The following PBX3 variants were observed in gnomAD, a reference collection of about 807,000 sequenced individuals.
PBX3 encodes PBX homeobox 3.
Under a neutral mutation model 48.5 loss-of-function variants are expected in PBX3, and 14 were observed. That is an observed-to-expected ratio of 0.29 (90% CI 0.19 to 0.45). The LOEUF is 0.45. Ranked by LOEUF, PBX3 falls within the 20% of genes least tolerant of loss-of-function variation. The probability of loss-of-function intolerance (pLI) is 1.00; values close to 1 mark genes in which losing one functional copy is unlikely to be tolerated. For missense variants in PBX3, 386 were observed against 546.7 expected, an observed-to-expected ratio of 0.71 and a Z score of 2.93; for synonymous variants, 210 against 200.3, an observed-to-expected ratio of 1.05 and a Z score of -0.41.
At chr9:125,941,794 A>G (rs1183175218) in intron 5 of PBX3, among the ~76,000 whole-genome samples, 1 of 152,194 alleles carries the variant, frequency 6.6e-6, no homozygotes, top group Non-Finnish European at 1.5e-5. Flanking sequence ...GCAGATATTA[A>G]TTTACTTTTT....
At chr9:125,936,843 A>G (rs1841846997) in intron 5 of PBX3, among the ~76,000 whole-genome samples, 1 of 152,210 alleles carries the variant, frequency 6.6e-6, no homozygotes, top group African/African-American at 2.4e-5. Context: ...TATATAAAAC[A>G]TTACTAACTG....
At chr9:125,778,437 T>G (rs929877143) in intron 2 of PBX3, among the ~76,000 whole-genome samples, 3 of 151,914 alleles carry the variant, frequency 2.0e-5, no homozygotes, top group African/African-American at 7.3e-5. Flanking sequence ...TTTTGTATTT[T>G]TAGTAGAGAC....
intron 2 of PBX3, among the ~76,000 whole-genome samples, chr9:125,844,048 TA>T (rs1839360303): frequency 6.6e-6 from 1 of 152,068 alleles, no homozygotes; most frequent in African/African-American, 2.4e-5. Flanking sequence ...CCCAGATGTT[TA>T]AAAAAATTAT....
At chr9:125,793,299 GC>G (rs1382765046) in intron 2 of PBX3, among the ~76,000 whole-genome samples, 47 of 146,820 alleles carry the variant, frequency 3.2e-4, no homozygotes, top group African/African-American at 1.2e-3. Flanking sequence ...TTGCAGTGAG[GC>G]AAGATTGCGC....
intron 2 of PBX3, 151 bp downstream of exon 2, chr9:125,748,774 G>A (rs1588112331): frequency 1.7e-6 from 1 of 574,346 alleles, no homozygotes; most frequent in East Asian, 2.8e-5. Flanking sequence ...AGAAAAAACT[G>A]CAATAAATCT....
chr9:125,842,551 A>G (rs2132233493), intron 2 of PBX3, among the ~76,000 whole-genome samples: 2 of 152,230 alleles, frequency 1.3e-5, no homozygotes, highest in Admixed American at 1.3e-4. Flanking sequence ...CACCTTTCAG[A>G]GTGTGTTAGC....
At chr9:125,878,704 T>C (rs937686191) in intron 2 of PBX3, among the ~76,000 whole-genome samples, 2 of 152,232 alleles carry the variant, frequency 1.3e-5, no homozygotes, top group African/African-American at 2.4e-5. Context: ...TGTTCACATA[T>C]GCATTTCTTT....
At chr9:125,936,896 T>A (rs1306307177) in intron 5 of PBX3, among the ~76,000 whole-genome samples, 3 of 152,196 alleles carry the variant, frequency 2.0e-5, no homozygotes, top group Non-Finnish European at 4.4e-5. Flanking sequence ...TAATATGATA[T>A]GCCGGGTTAG....
rs1377456112 is a variant in PBX3 at position 125,899,454 on chromosome 9, T to TATAGAGAG, written c.275-16231_275-16230insTAGAGAGA. 1.6e-3 allele frequency among the ~76,000 whole-genome samples: 168 copies of TATAGAGAG among 103,754 alleles called. 8 individuals are homozygous for TATAGAGAG. Among genetic ancestry groups the TATAGAGAG allele is most frequent in the Middle Eastern group, 0.015 (3 of 202 alleles). The allele number at this position is 103,754 out of a possible 152,430, so 68.1% of individuals were successfully genotyped here. Reference sequence around the variant, plus strand: ...ATATATATGTGTGTATATATATATATAGAGAGAGAGAGAGAGAGAGAGAGA... The same window carrying TATAGAGAG: ...ATATATATGTGTGTATATATATATATATAGAGAGAGAGAGAGAGAGAGAGAGAGAGAGA... On this transcript the variant is annotated intron_variant, in intron 2 of 8. Coordinates refer to ENST00000373489, the MANE Select transcript of PBX3 (RefSeq NM_006195.6).
intron 2 of PBX3, among the ~76,000 whole-genome samples, chr9:125,853,144 C>T (rs981488683): frequency 1.3e-5 from 2 of 152,142 alleles, no homozygotes; most frequent in African/African-American, 4.8e-5. Flanking sequence ...TATGCTTCAA[C>T]CATCTTTTTC....
intron 2 of PBX3, among the ~76,000 whole-genome samples, chr9:125,848,076 T>C (rs749424197): frequency 6.6e-6 from 1 of 152,046 alleles, no homozygotes; most frequent in Non-Finnish European, 1.5e-5. Context: ...GGTGCTCCTT[T>C]ATCCTGCGTG....
intron 2 of PBX3, among the ~76,000 whole-genome samples, chr9:125,894,728 A>G (rs1840729100): frequency 1.3e-5 from 2 of 152,146 alleles, no homozygotes; most frequent in South Asian, 4.1e-4. Context: ...GATAGTCAGA[A>G]TGTATGAGCA....
chr9:125,785,010 G>A (rs1837422313), intron 2 of PBX3, among the ~76,000 whole-genome samples: 1 of 152,126 alleles, frequency 6.6e-6, no homozygotes, highest in African/African-American at 2.4e-5. Context: ...TTTTCTTTTA[G>A]GCTTTTGTTA....
chr9:125,885,588 T>C (rs569799226), intron 2 of PBX3, among the ~76,000 whole-genome samples: 29 of 152,188 alleles, frequency 1.9e-4, no homozygotes, highest in Non-Finnish European at 2.6e-4. Flanking sequence ...TAAAAAGGCT[T>C]CCAACTGTGA....
intron 2 of PBX3, among the ~76,000 whole-genome samples, chr9:125,824,370 G>C (rs1791935225): frequency 6.6e-6 from 1 of 152,170 alleles, no homozygotes; most frequent in South Asian, 2.1e-4. Flanking sequence ...CCAGAAGCAT[G>C]CTCAAGGGCC....
Position 125,797,308 on chromosome 9 carries a change from C to T in PBX3, c.274+48685C>T, listed in dbSNP as rs190674469. On this transcript the variant is annotated intron_variant, in intron 2 of 8. Transcript: ENST00000373489. ...AATTACTAATCAGTAATGAAGTTTC[C>T]TTTATCTGCTGGAATTAGTTACATG... The T allele has an allele frequency of 2.5e-4, 38 of 152,088 alleles. 1 individual carries two copies. The East Asian group carries it at 3.9e-3, about 15-fold the overall frequency. 9.4% of individuals were successfully genotyped at this position (152,088 alleles called of 1,614,324 possible).
chr9:125,770,062 G>A (rs763277213), intron 2 of PBX3, among the ~76,000 whole-genome samples: 2 of 152,158 alleles, frequency 1.3e-5, no homozygotes, highest in Non-Finnish European at 2.9e-5. Context: ...AAATGAAGAA[G>A]GCTTCTACAA....
intron 2 of PBX3, among the ~76,000 whole-genome samples, chr9:125,890,112 G>C (rs1186205863): frequency 6.6e-6 from 1 of 152,194 alleles, no homozygotes; most frequent in African/African-American, 2.4e-5. Flanking sequence ...AACTTGATTT[G>C]AGGCCTGGCG....
At chr9:125,779,051 C>G (rs2132023820) in intron 2 of PBX3, among the ~76,000 whole-genome samples, 1 of 133,522 alleles carries the variant, frequency 7.5e-6, no homozygotes, top group East Asian at 2.1e-4. Flanking sequence ...AACAGATAAT[C>G]TGAACCCATT....
Sources: gnomAD v4.1 joint callset for allele counts (sites outside exome capture counted in the v4.1 genomes callset) on GRCh38, gnomAD v4.1.1 for gene constraint, MANE v1.5 for transcripts, NCBI Gene and HGNC (gene_info 2026-07-23, HGNC 2026-07-21) for gene names.